The following LARS2 variants were observed in gnomAD, a reference collection of about 807,000 sequenced individuals.
The protein encoded by LARS2 is leucyl-tRNA synthetase 2, mitochondrial.
Under a neutral mutation model 116.6 loss-of-function variants are expected in LARS2, and 81 were observed. That is an observed-to-expected ratio of 0.69 (90% confidence interval 0.58 to 0.84). LARS2 has a LOEUF of 0.84. LARS2 is among the 40% of genes least tolerant of loss of function. The pLI, the probability that LARS2 is intolerant of heterozygous loss-of-function variation, is 0.00. For missense variants in LARS2, 968 were observed against 1,114.5 expected (o/e 0.87, Z 1.87); for synonymous variants, 396 against 407.2 (o/e 0.97, Z 0.33).
Position 45,446,981 on chromosome 3 carries a change from G to GT in LARS2, c.606+2dup. On this transcript the variant is annotated splice_donor_variant, in intron 7 of 21. Transcript: ENST00000645846. LOFTEE classifies it high-confidence loss of function. ...GGCTGGGCTGGCCTATCAAAAGGAG[G>GT]TAAGTTAAAATTAGCTGGACTTTTA... The GT allele has an allele frequency of 6.4e-7, 1 of 1,562,922 alleles. No individual in the cohort carries two copies. The highest frequency in any genetic ancestry group is 8.8e-7 in the Non-Finnish European group (1 of 1,137,850).
chr3:45,484,933 A>G (rs1699780984), intron 10 of LARS2, among the ~76,000 whole-genome samples: 2 of 151,096 alleles, frequency 1.3e-5, no homozygotes, highest in South Asian at 4.2e-4. Context: ...CTCTCAGTGC[A>G]GTTTTCTGCA....
At chr3:45,403,546 C>T (rs977307003) in intron 4 of LARS2, among the ~76,000 whole-genome samples, 2 of 152,150 alleles carry the variant, frequency 1.3e-5, no homozygotes, top group Non-Finnish European at 2.9e-5. Context: ...GAACTCCTGA[C>T]CTCAGATGAT....
intron 8 of LARS2, among the ~76,000 whole-genome samples, chr3:45,463,065 C>T (rs1288749861): frequency 2.0e-5 from 3 of 152,120 alleles, no homozygotes; most frequent in African/African-American, 4.8e-5. Flanking sequence ...GTCTTGTGGG[C>T]AGCACTGCTG....
chr3:45,422,821 T>A (rs1050805070), intron 6 of LARS2, among the ~76,000 whole-genome samples: 6 of 152,180 alleles, frequency 3.9e-5, no homozygotes. Context: ...TTGACTTCTA[T>A]TGGTACATCA....
intron 9 of LARS2, 71 bp from the exon 10 acceptor site, chr3:45,476,397 A>G: frequency 6.7e-7 from 1 of 1,500,590 alleles, no homozygotes; most frequent in South Asian, 1.2e-5. Flanking sequence ...GGGGAAGGGG[A>G]TACAGTTAGG....
In LARS2 at chr3:45,521,918, G is replaced by T. The variant is rs371826438; in HGVS notation, c.2292+1622G>T. ...AGCTCAGGAGTTTGAGACCAGCCTG[G>T]GCAACATAACAAGACTTCATCTGTA... On this transcript the variant is annotated intron_variant, in intron 19 of 21. Coordinates refer to ENST00000645846, the MANE Select transcript of LARS2 (RefSeq NM_015340.4). Among the ~76,000 whole-genome samples, 366 of 151,862 alleles carry T rather than the reference G, an allele frequency of 2.4e-3. 11 individuals carry two copies. In the South Asian group the frequency reaches 0.07, roughly 29 times the overall value.
At chr3:45,392,100 A>G (rs1251622101) in intron 2 of LARS2, among the ~76,000 whole-genome samples, 1 of 152,204 alleles carries the variant, frequency 6.6e-6, no homozygotes, top group East Asian at 1.9e-4. Flanking sequence ...TGTGACTTCT[A>G]TATAATTAGG....
At chr3:45,538,434 G>C (rs939102012) in intron 20 of LARS2, 2 of 152,238 alleles carry the variant, frequency 1.3e-5, no homozygotes, top group Non-Finnish European at 2.9e-5. Context: ...CTCACTAAAA[G>C]AAGTGATGAT....
chr3:45,546,068 C>T (rs934078507), intron 21 of LARS2, among the ~76,000 whole-genome samples: 1 of 152,210 alleles, frequency 6.6e-6, no homozygotes, highest in Non-Finnish European at 1.5e-5. Flanking sequence ...CCTCACCCAG[C>T]ACCCCCTCTG....
chr3:45,458,199 A>T (rs1699245560), intron 7 of LARS2, among the ~76,000 whole-genome samples: 1 of 151,896 alleles, frequency 6.6e-6, no homozygotes, highest in Non-Finnish European at 1.5e-5. Context: ...TTCATATAAG[A>T]TACCAAAGTT....
chr3:45,416,135 T>C (rs1698417537), intron 4 of LARS2, among the ~76,000 whole-genome samples: 1 of 150,698 alleles, frequency 6.6e-6, no homozygotes, highest in Non-Finnish European at 1.5e-5. Context: ...ACTTCAGTAC[T>C]TCAGTAGTTG....
At chr3:45,533,031 A>G (rs780087305) in intron 20 of LARS2, among the ~76,000 whole-genome samples, 33 of 149,642 alleles carry the variant, frequency 2.2e-4, no homozygotes, top group Non-Finnish European at 4.1e-4. Context: ...GGAGGGAGGT[A>G]TTAGGCCCTG....
chr3:45,488,032 C>T (rs1389185451), intron 11 of LARS2, among the ~76,000 whole-genome samples: 1 of 152,120 alleles, frequency 6.6e-6, no homozygotes, highest in Non-Finnish European at 1.5e-5. Context: ...GAGAACCCCA[C>T]TGCCCTCTGC....
intron 10 of LARS2, among the ~76,000 whole-genome samples, chr3:45,483,757 C>T (rs747405699): frequency 8.5e-5 from 13 of 152,208 alleles, no homozygotes; most frequent in African/African-American, 2.9e-4. Context: ...CCAGCTAACA[C>T]ATCTGTACCA....
chr3:45,436,370 G>A (rs1423245151), intron 6 of LARS2, among the ~76,000 whole-genome samples: 1 of 151,770 alleles, frequency 6.6e-6, no homozygotes, highest in Non-Finnish European at 1.5e-5. Context: ...CAAAAACAGG[G>A]AACATTTGTA....
intron 2 of LARS2, among the ~76,000 whole-genome samples, chr3:45,393,519 G>A (rs1216451514): frequency 1.3e-5 from 2 of 152,072 alleles, no homozygotes; most frequent in Non-Finnish European, 2.9e-5. Context: ...AGGTTGCAGT[G>A]AGCCAAGATC....
At chr3:45,542,318 G>A (rs993487864) in intron 21 of LARS2, among the ~76,000 whole-genome samples, 2 of 152,182 alleles carry the variant, frequency 1.3e-5, no homozygotes, top group Non-Finnish European at 2.9e-5. Context: ...ACTTTTGGGG[G>A]CTGGGGAAGG....
At chr3:45,416,797 G>A (rs528867348) in intron 4 of LARS2, among the ~76,000 whole-genome samples, 3 of 152,218 alleles carry the variant, frequency 2.0e-5, no homozygotes, top group East Asian at 1.9e-4. Flanking sequence ...AATACTGGCC[G>A]GGCACAGTGG....
intron 4 of LARS2, among the ~76,000 whole-genome samples, chr3:45,402,822 C>T (rs1210489271): frequency 1.3e-5 from 2 of 152,020 alleles, no homozygotes; most frequent in Non-Finnish European, 2.9e-5. Flanking sequence ...AGAGGTGGGA[C>T]AGGCCAGGCA....
Sources: gnomAD v4.1 joint callset for allele counts (sites outside exome capture counted in the v4.1 genomes callset) on GRCh38, gnomAD v4.1.1 for gene constraint, MANE v1.5 for transcripts, NCBI Gene and HGNC (gene_info 2026-07-23, HGNC 2026-07-21) for gene names.